ELL: variants seen among roughly 807,000 people sequenced by gnomAD.
ELL encodes the protein RNA polymerase II elongation factor ELL.
Under a neutral mutation model 64.0 loss-of-function variants are expected in ELL, and 18 were observed. The observed-to-expected ratio is 0.28, with a 90% confidence interval of 0.19 to 0.42. The LOEUF (loss-of-function observed/expected upper bound fraction) is 0.42, where lower values mean the gene tolerates loss of function less well. ELL is among the 10% of genes least tolerant of loss of function. The pLI is 1.00. For synonymous variants in ELL, 399 were observed against 376.2 expected (o/e 1.06, Z -0.70); for missense variants, 797 against 870.4 (o/e 0.92, Z 1.06).
intron 1 of ELL, 124 bp downstream of exon 1, chr19:18,521,797 C>T: frequency 1.5e-6 from 2 of 1,359,192 alleles, no homozygotes; most frequent in Non-Finnish European, 1.9e-6. Context: ...CCCGCCGGCC[C>T]AGGGACCCGC....
Position 18,478,798 on chromosome 19 carries a change from C to T in ELL, c.136-5916G>A, listed in dbSNP as rs78573077. Among the ~76,000 whole-genome samples, 26 of 152,366 alleles carry T rather than the reference C, an allele frequency of 1.7e-4. No homozygotes were observed. The East Asian group carries it at 4.4e-3, about 26-fold the overall frequency. On this transcript the variant is annotated intron_variant, in intron 1 of 11. Transcript: ENST00000262809. ...GCAGGGCAGTGATGCCTGCGCCCTG[C>T]GGTCACTTGGCCTGGGCGCCCACTG...
rs141091001 is a variant in ELL, at chr19:18,487,363, C to T, written c.136-14481G>A. 5.9e-3 allele frequency among the ~76,000 whole-genome samples: 904 copies of T among 152,350 alleles called. 8 individuals are homozygous for T. Among genetic ancestry groups the T allele is most frequent in the African/African-American group, 0.021 (865 of 41,578 alleles). ...GGTGCCACGAGAGCCAGGCCCCAGTCTTCCTTCGTGCTTGAGGAGCAGCTG... is the reference window on the plus strand; with the variant it reads ...GGTGCCACGAGAGCCAGGCCCCAGTTTTCCTTCGTGCTTGAGGAGCAGCTG... On this transcript the variant is annotated intron_variant, in intron 1 of 11. Transcript: ENST00000262809.
At chr19:18,464,772 G>A (rs867561621) in intron 4 of ELL, among the ~76,000 whole-genome samples, 12 of 152,326 alleles carry the variant, frequency 7.9e-5, no homozygotes, top group Middle Eastern at 6.8e-3. Flanking sequence ...GCTCTGCCTG[G>A]ACTAAGAGGC....
At chr19:18,503,991 T>A (rs368994361) in intron 1 of ELL, among the ~76,000 whole-genome samples, 1 of 152,004 alleles carries the variant, frequency 6.6e-6, no homozygotes, top group Admixed American at 6.6e-5. Context: ...CTCACTCACA[T>A]CCCCCCGCCT....
intron 1 of ELL, among the ~76,000 whole-genome samples, chr19:18,508,985 G>A (rs1334925454): frequency 6.6e-6 from 1 of 152,138 alleles, no homozygotes; most frequent in Non-Finnish European, 1.5e-5. Context: ...AGTGACCCTG[G>A]GCAGAGCCTA....
chr19:18,462,371 G>GTGTGTGTGT lies in ELL; in HGVS notation c.470-520_470-519insACACACACA, dbSNP rs1321676465. ...TGTGTGTGTGTGTGTGTGTTTGGGC[G>GTGTGTGTGT]GGGGGCGGGGGGGGAAGGATTGTTT... On this transcript the variant is annotated intron_variant, in intron 4 of 11. Transcript: ENST00000262809. Among the ~76,000 whole-genome samples the GTGTGTGTGT allele has an allele frequency of 1.6e-4, 12 of 76,370 alleles. 1 individual carries two copies. Among genetic ancestry groups the GTGTGTGTGT allele is most frequent in the African/African-American group, 4.9e-4 (7 of 14,416 alleles). 50.1% of individuals were successfully genotyped at this position (76,370 alleles called of 152,430 possible).
intron 2 of ELL, among the ~76,000 whole-genome samples, chr19:18,467,968 C>T (rs1191658069): frequency 6.9e-6 from 1 of 145,374 alleles, no homozygotes; most frequent in Non-Finnish European, 1.5e-5. Context: ...CATACAACCA[C>T]CCCGACAGCA....
chr19:18,505,975 CAT>C (rs1458301657), intron 1 of ELL, among the ~76,000 whole-genome samples: 2 of 152,210 alleles, frequency 1.3e-5, no homozygotes, highest in African/African-American at 4.8e-5. Context: ...ACCCAGCACA[CAT>C]GTGGCCAATA....
At chr19:18,485,155 C>T (rs1975382861) in intron 1 of ELL, among the ~76,000 whole-genome samples, 1 of 152,178 alleles carries the variant, frequency 6.6e-6, no homozygotes, top group South Asian at 2.1e-4. Context: ...GCTTCCTGCT[C>T]AGGCAGCTAG....
chr19:18,468,044 A>C (rs1262884546), intron 2 of ELL, among the ~76,000 whole-genome samples: 7 of 139,052 alleles, frequency 5.0e-5, no homozygotes, highest in East Asian at 4.6e-4. Context: ...CACAACCCCC[A>C]CACACACAGC....
intron 2 of ELL, among the ~76,000 whole-genome samples, chr19:18,470,201 G>A (rs983554409): frequency 5.3e-5 from 8 of 152,262 alleles, no homozygotes; most frequent in African/African-American, 1.4e-4. Flanking sequence ...AGTGACTTGG[G>A]CCCCTGCTAC....
intron 5 of ELL, among the ~76,000 whole-genome samples, chr19:18,459,495 G>A (rs1974755271): frequency 6.6e-6 from 1 of 152,052 alleles, no homozygotes; most frequent in Non-Finnish European, 1.5e-5. Flanking sequence ...ACATGGCTCT[G>A]CGTCACAGCG....
rs527961268 is a variant in ELL at position 18,521,743 on chromosome 19, C to G, written c.135+178G>C. ...ATTGCCTCCTAGTGCTGAGAAGGAA[C>G]GCGGTTCTCAGCGCTCCAGGCCGGA... On this transcript the variant is annotated intron_variant, in intron 1 of 11. Transcript: ENST00000262809. Among the ~76,000 whole-genome samples, 95 of 152,312 alleles carry G rather than the reference C, an allele frequency of 6.2e-4. No individual in the cohort carries two copies. The South Asian group carries it at 0.015, about 25-fold the overall frequency.
chr19:18,479,603 G>A (rs1975251589), intron 1 of ELL, among the ~76,000 whole-genome samples: 1 of 151,018 alleles, frequency 6.6e-6, no homozygotes, highest in Non-Finnish European at 1.5e-5. Flanking sequence ...TAGCTACTCG[G>A]GAGCCTGAGG....
intron 4 of ELL, among the ~76,000 whole-genome samples, chr19:18,462,381 GGGGGA>G: frequency 3.5e-5 from 3 of 85,952 alleles, no homozygotes; most frequent in African/African-American, 1.7e-4. Flanking sequence ...GGGGGGCGGG[GGGGGA>G]AGGATTGTTT....
intron 2 of ELL, among the ~76,000 whole-genome samples, chr19:18,467,553 G>A (rs1273747543): frequency 2.0e-5 from 3 of 151,284 alleles, no homozygotes; most frequent in Admixed American, 6.6e-5. Context: ...ACTCAGCATC[G>A]GAGAAATCAC....
chr19:18,452,816 G>A (rs1181210243), intron 6 of ELL, among the ~76,000 whole-genome samples: 1 of 152,204 alleles, frequency 6.6e-6, no homozygotes, highest in Non-Finnish European at 1.5e-5. Context: ...AGAAGAAACA[G>A]GGCCCAGGAC....
At chr19:18,447,959 A>AT (rs1243536170) in intron 8 of ELL, among the ~76,000 whole-genome samples, 1 of 151,732 alleles carries the variant, frequency 6.6e-6, no homozygotes, top group African/African-American at 2.4e-5. Context: ...TAATTACAAA[A>AT]TTTTTTTGTA....
In ELL at chr19:18,465,888, C is replaced by A. The variant is rs771450349; in HGVS notation, c.214G>T (p.Ala72Ser). 1.3e-5 allele frequency: 17 copies of A among 1,323,950 alleles called. No individual in the cohort carries two copies. Among genetic ancestry groups the A allele is most frequent in the Non-Finnish European group, 1.7e-5 (17 of 1,028,358 alleles). 82.0% of individuals were successfully genotyped at this position (1,323,950 alleles called of 1,614,324 possible). A position where few individuals can be genotyped will look rare whatever the true frequency, so the allele number is the denominator to read the frequency against. The change falls in exon 3 of 12, where the codon GCA (alanine) becomes TCA (serine). Residue 72 changes from alanine (A) to serine (S), a missense_variant. Ala to Ser is a moderately conservative substitution (Grantham distance 99). Transcript: ENST00000262809. ...TAGAAGGAGAACGTCCGCGCCTCTG[C>A]GGGGCAGTCAGGCTGGGGGATGGAG... ...HISIPQPDCPAEARTFSFYLS... is the reference protein window; with the variant it reads ...HISIPQPDCPSEARTFSFYLS...
Sources: allele counts gnomAD v4.1 joint callset (sites outside exome capture counted in the v4.1 genomes callset), GRCh38; gene constraint gnomAD v4.1.1; transcripts MANE v1.5; gene names NCBI Gene and HGNC (gene_info 2026-07-23, HGNC 2026-07-21).